The following LMF1 variants were observed in gnomAD, a reference collection of about 807,000 sequenced individuals.
The protein encoded by LMF1 is lipase maturation factor 1.
LMF1 carries 68 observed loss-of-function variants against 60.6 expected under a neutral mutation model. That is an observed-to-expected ratio of 1.12 (90% confidence interval 0.92 to 1.37). The LOEUF (loss-of-function observed/expected upper bound fraction) is 1.37, where lower values mean the gene tolerates loss of function less well. Among genes scored for constraint, LMF1 ranks in the 40% most tolerant of loss-of-function variants. The probability of loss-of-function intolerance (pLI) is 0.00; values close to 1 mark genes in which losing one functional copy is unlikely to be tolerated. For missense variants in LMF1, 948 were observed against 767.2 expected (o/e 1.24, Z -2.78); for synonymous variants, 418 against 324.7 (o/e 1.29, Z -3.09).
Position 861,669 on chromosome 16 carries a change from C to T in LMF1, c.1530-6963G>A, listed in dbSNP as rs1334162239. Among the ~76,000 whole-genome samples, 12 of 152,188 alleles carry T rather than the reference C, an allele frequency of 7.9e-5. No homozygotes were observed. The South Asian group carries it at 1.2e-3, about 16-fold the overall frequency. On this transcript the variant is annotated intron_variant, in intron 10 of 10. Coordinates refer to ENST00000262301, the MANE Select transcript of LMF1 (RefSeq NM_022773.4). ...CTGCGCCCGGCCTCGCTTCATAATT[C>T]TAGGAGTGTTTTTGGTGGATACCTT...
intron 3 of LMF1, among the ~76,000 whole-genome samples, chr16:930,607 G>A (rs1264968117): frequency 6.6e-6 from 1 of 152,224 alleles, no homozygotes; most frequent in Non-Finnish European, 1.5e-5. Flanking sequence ...CTGAGAAAAA[G>A]GAAGACACTA....
upstream of LMF1, among the ~76,000 whole-genome samples, chr16:974,258 C>T (rs1255753302): frequency 2.6e-5 from 4 of 152,230 alleles, no homozygotes; most frequent in Non-Finnish European, 5.9e-5. Flanking sequence ...GAGTGAGCTG[C>T]AGCGGCCGGG....
At chr16:955,664 C>T (rs913920904) in intron 1 of LMF1, among the ~76,000 whole-genome samples, 1 of 152,220 alleles carries the variant, frequency 6.6e-6, no homozygotes, top group Non-Finnish European at 1.5e-5. Context: ...ATATAAATTC[C>T]GTGTCTGCAG....
intron 1 of LMF1, among the ~76,000 whole-genome samples, chr16:969,948 G>GT (rs2073006212): frequency 6.6e-6 from 1 of 152,230 alleles, no homozygotes; most frequent in African/African-American, 2.4e-5. Flanking sequence ...GGATCCAGAG[G>GT]TTTTGAGCGT....
intron 2 of LMF1, among the ~76,000 whole-genome samples, chr16:937,239 T>C (rs988869886): frequency 6.6e-6 from 1 of 152,232 alleles, no homozygotes; most frequent in Non-Finnish European, 1.5e-5. Flanking sequence ...GTCTTATTAC[T>C]TTCATAGCTT....
chr16:857,081 G>C (rs1014071507), intron 10 of LMF1, among the ~76,000 whole-genome samples: 10 of 152,268 alleles, frequency 6.6e-5, no homozygotes, highest in Non-Finnish European at 1.2e-4. Context: ...GGTTCCGCCA[G>C]GTCGTGTGAT....
chr16:929,836 T>A (rs2071719175), intron 3 of LMF1, among the ~76,000 whole-genome samples: 1 of 152,244 alleles, frequency 6.6e-6, no homozygotes, highest in Non-Finnish European at 1.5e-5. Context: ...TGCTCAGCAG[T>A]CACGTCCGTC....
At position 970,823 on chromosome 16, in the gene LMF1, C is replaced by T. The variant is rs1348395304; in HGVS notation, c.158G>A (p.Arg53Gln). 10 of 1,545,454 alleles carry T rather than the reference C, an allele frequency of 6.5e-6. No homozygotes were observed. Among genetic ancestry groups the T allele is most frequent in the Non-Finnish European group, 7.9e-6 (9 of 1,145,720 alleles). ...GGCTAGGGCCTTCAGGAGCACGATCCGGGTCAGCCAGAAGGTGCCCGTGTG... is the reference window on the plus strand; with the variant it reads ...GGCTAGGGCCTTCAGGAGCACGATCTGGGTCAGCCAGAAGGTGCCCGTGTG... The part of the protein sequence containing the change: ...HLHTGTFWLT[R>Q]IVLLKALAFV... Residue 53 changes from arginine (R) to glutamine (Q), a missense_variant, in exon 1 of 11, where the codon CGG becomes CAG. Coordinates refer to ENST00000262301, the MANE Select transcript of LMF1 (RefSeq NM_022773.4).
chr16:970,532 G>A (rs2073020077), intron 1 of LMF1, among the ~76,000 whole-genome samples: 1 of 152,182 alleles, frequency 6.6e-6, no homozygotes, highest in African/African-American at 2.4e-5. Context: ...TGCAACTTCG[G>A]GGCTGCGGGT....
intron 9 of LMF1, chr16:869,434 T>G: frequency 1.8e-6 from 1 of 548,562 alleles, no homozygotes; most frequent in Non-Finnish European, 3.5e-6. Flanking sequence ...TGGGGATTCC[T>G]TCTTTCCTGT....
In LMF1 at chr16:896,135, C is replaced by T. The variant is rs536155948; in HGVS notation, c.664-3063G>A. 9.7e-4 allele frequency among the ~76,000 whole-genome samples: 55 copies of T among 56,968 alleles called. 2 individuals carry two copies. The highest frequency in any genetic ancestry group is 8.4e-3 in the African/African-American group (52 of 6,154). 37.4% of individuals were successfully genotyped at this position (56,968 alleles called of 152,430 possible). A position where few individuals can be genotyped will look rare whatever the true frequency, so the allele number is the denominator to read the frequency against. Reference sequence around the variant, plus strand: ...ACCCACACGCAGGCTGCACGGTCCACACACACGCCTCGGAGGGGTTGTGAG... The same window carrying T: ...ACCCACACGCAGGCTGCACGGTCCATACACACGCCTCGGAGGGGTTGTGAG... On this transcript the variant is annotated intron_variant, in intron 4 of 10. Coordinates refer to ENST00000262301, the MANE Select transcript of LMF1 (RefSeq NM_022773.4).
In LMF1 at chr16:854,304, TGGGACAA is replaced by T. The variant is rs1194745578; in HGVS notation, c.*221_*227del. On this transcript the variant is annotated 3_prime_UTR_variant, in exon 11 of 11. Transcript: ENST00000262301. ...ATGGGAGATCAGAGCCCCTGGCGCCTGGGACAAGGGTTGGCCTGGATGTGGGGCCCCA... is the reference window on the plus strand; with the variant it reads ...ATGGGAGATCAGAGCCCCTGGCGCCTGGGTTGGCCTGGATGTGGGGCCCCA... 2 of 689,114 alleles carry T rather than the reference TGGGACAA, an allele frequency of 2.9e-6. No individual in the cohort carries two copies. Among genetic ancestry groups the T allele is most frequent in the Admixed American group, 4.0e-5 (2 of 49,490 alleles). 42.7% of individuals were successfully genotyped at this position (689,114 alleles called of 1,614,324 possible).
At chr16:933,779 T>C (rs1013440157) in intron 3 of LMF1, 10 of 397,996 alleles carry the variant, frequency 2.5e-5, no homozygotes, top group African/African-American at 2.1e-4. Flanking sequence ...GCTGCCCTCT[T>C]CCCACCCTCC....
intron 2 of LMF1, among the ~76,000 whole-genome samples, chr16:937,988 CTT>C (rs1597034092): frequency 6.6e-6 from 1 of 151,696 alleles, no homozygotes; most frequent in Non-Finnish European, 1.5e-5. Context: ...AGACTGAAGT[CTT>C]TGTCATGTGG....
At chr16:946,931 G>A (rs778691555) in intron 2 of LMF1, among the ~76,000 whole-genome samples, 13 of 152,308 alleles carry the variant, frequency 8.5e-5, no homozygotes, top group Middle Eastern at 3.4e-3. Context: ...TATGAGAGAC[G>A]CTCACCCACC....
At chr16:871,462 G>A (rs534431522) in intron 6 of LMF1, 121 bp from the exon 7 acceptor site, 5 of 1,019,078 alleles carry the variant, frequency 4.9e-6, no homozygotes, top group South Asian at 3.2e-5. Context: ...TGCCCTTGCT[G>A]TCCCTCGGGC....
At chr16:855,718 C>G in intron 10 of LMF1, 5 of 456,048 alleles carry the variant, frequency 1.1e-5, no homozygotes, top group South Asian at 7.7e-5. Flanking sequence ...GCAGCCATAA[C>G]AGGACCCTCT....
intron 2 of LMF1, among the ~76,000 whole-genome samples, chr16:935,076 T>C (rs144556574): frequency 1.5e-3 from 223 of 152,202 alleles, no homozygotes; most frequent in Non-Finnish European, 2.5e-3. Context: ...AGGAGGTAGA[T>C]TGCCAGGTTT....
intron 3 of LMF1, among the ~76,000 whole-genome samples, chr16:920,086 T>A (rs897146359): frequency 1.2e-4 from 17 of 139,038 alleles, no homozygotes; most frequent in African/African-American, 4.7e-4. Flanking sequence ...GGCCCCAGCC[T>A]GTCGGCTCCC....
Sources: gnomAD v4.1 joint callset for allele counts (sites outside exome capture counted in the v4.1 genomes callset) on GRCh38, gnomAD v4.1.1 for gene constraint, MANE v1.5 for transcripts, NCBI Gene and HGNC (gene_info 2026-07-23, HGNC 2026-07-21) for gene names.